Variants in SPMIP6 observed in about 807,000 individuals in gnomAD.
SPMIP6 encodes ciliated bronchial epithelial protein 1.
At chr9:34,397,353 T>G in the SPMIP6 span, 1 of 885,928 alleles carries the variant, frequency 1.1e-6, no homozygotes. Flanking sequence ...TTGTGCTGTT[T>G]TACATACCAT....
chr9:34,394,750 T>C, the SPMIP6 span, among the ~76,000 whole-genome samples: 1 of 152,178 alleles, frequency 6.6e-6, no homozygotes, highest in South Asian at 2.1e-4. Context: ...ATCTTTCAGC[T>C]AGTTTAAGGC....
chr9:34,387,997 G>C, the SPMIP6 span, among the ~76,000 whole-genome samples: 2 of 152,230 alleles, frequency 1.3e-5, no homozygotes, highest in African/African-American at 4.8e-5. Flanking sequence ...GGGTTCACTT[G>C]TTTTCAAAAT....
At chr9:34,380,596 C>CA in the SPMIP6 span, 607 of 1,442,080 alleles carry the variant, frequency 4.2e-4, 2 homozygotes, top group Non-Finnish European at 5.0e-4. Context: ...GTTTCTTCCT[C>CA]AAAAACCCTC....
chr9:34,388,179 C>T, the SPMIP6 span, among the ~76,000 whole-genome samples: 13 of 149,804 alleles, frequency 8.7e-5, no homozygotes, highest in East Asian at 2.6e-3. Context: ...TCGCTCTTCT[C>T]ACCCAGGCTG....
the SPMIP6 span, among the ~76,000 whole-genome samples, chr9:34,387,060 C>G: frequency 6.8e-6 from 1 of 147,564 alleles, no homozygotes; most frequent in Admixed American, 6.8e-5. Flanking sequence ...GAGACAAAGT[C>G]TCACTCTGCC....
chr9:34,393,195 G>A, the SPMIP6 span, among the ~76,000 whole-genome samples: 1 of 152,264 alleles, frequency 6.6e-6, no homozygotes, highest in Middle Eastern at 3.4e-3. Context: ...ACCTAACTCT[G>A]TCCTGTTCCA....
chr9:34,382,777 T>C, the SPMIP6 span: 1 of 1,613,860 alleles, frequency 6.2e-7, no homozygotes, highest in Non-Finnish European at 8.5e-7. Flanking sequence ...GGAAGGTAGG[T>C]GGTATACTTG....
At chr9:34,381,723 T>A in the SPMIP6 span, 1 of 1,341,304 alleles carries the variant, frequency 7.5e-7, no homozygotes. The surrounding 1 kb of genome is among the most constrained non-coding windows in gnomAD (Gnocchi z 4.4). Flanking sequence ...ATTTTACCCC[T>A]CTTTGTCTAG....
At chr9:34,384,146 A>G in the SPMIP6 span, among the ~76,000 whole-genome samples, 2 of 152,238 alleles carry the variant, frequency 1.3e-5, no homozygotes, top group African/African-American at 2.4e-5. Flanking sequence ...CGGGGATGGC[A>G]GTTTGCACAT....
the SPMIP6 span, chr9:34,381,632 C>T: frequency 1.4e-6 from 2 of 1,434,596 alleles, no homozygotes; most frequent in African/African-American, 1.4e-5. The surrounding 1 kb of genome is among the most constrained non-coding windows in gnomAD (Gnocchi z 4.4). Context: ...CCAACAGGGG[C>T]GGGGTGGGGT....
the SPMIP6 span, among the ~76,000 whole-genome samples, chr9:34,392,521 G>GT: frequency 1.3e-5 from 2 of 151,196 alleles, no homozygotes; most frequent in African/African-American, 2.4e-5. The surrounding 1 kb of genome is among the most constrained non-coding windows in gnomAD (Gnocchi z 4.6). Flanking sequence ...AGCTTACTCA[G>GT]TTTTTTGTTA....
At chr9:34,395,776 C>T in the SPMIP6 span, among the ~76,000 whole-genome samples, 10 of 152,292 alleles carry the variant, frequency 6.6e-5, 1 homozygote, top group Admixed American at 5.9e-4. Context: ...AGCATTCCTC[C>T]AGCTGCCACA....
chr9:34,379,825 G>A, the SPMIP6 span: 1 of 966,626 alleles, frequency 1.0e-6, no homozygotes, highest in Non-Finnish European at 1.6e-6. This position sits in a 1 kb window ranked among gnomAD's most constrained non-coding sequence, Gnocchi z 4.2. Flanking sequence ...CGCTTCAGGT[G>A]TCCGTCCCAA....
the SPMIP6 span, among the ~76,000 whole-genome samples, chr9:34,388,341 G>A: frequency 3.4e-5 from 5 of 148,208 alleles, no homozygotes; most frequent in Middle Eastern, 3.5e-3. Context: ...TAGTGGAGAC[G>A]GGGTTTCACC....
the SPMIP6 span, among the ~76,000 whole-genome samples, chr9:34,380,528 T>C: frequency 6.6e-6 from 1 of 151,450 alleles, no homozygotes; most frequent in Non-Finnish European, 1.5e-5. Context: ...GGGCCAGGAG[T>C]CCAGGAAAGG....
At chr9:34,379,550 G>A in the SPMIP6 span, 2 of 1,089,044 alleles carry the variant, frequency 1.8e-6, no homozygotes, top group Non-Finnish European at 2.8e-6. This position sits in a 1 kb window ranked among gnomAD's most constrained non-coding sequence, Gnocchi z 4.2. Flanking sequence ...GCACCGCGGA[G>A]CGTTCTCATC....
the SPMIP6 span, among the ~76,000 whole-genome samples, chr9:34,387,991 T>C: frequency 6.6e-6 from 1 of 152,156 alleles, no homozygotes. Flanking sequence ...ATATGGGGGT[T>C]CACTTGTTTT....
the SPMIP6 span, chr9:34,379,815 C>G: frequency 9.1e-7 from 1 of 1,093,086 alleles, no homozygotes; most frequent in Non-Finnish European, 1.4e-6. The surrounding 1 kb of genome is among the most constrained non-coding windows in gnomAD (Gnocchi z 4.2). Flanking sequence ...CCCTGGGCGG[C>G]GCTTCAGGTG....
chr9:34,385,535 CAAAAAAAAAAAA>C, the SPMIP6 span: 23 of 296,978 alleles, frequency 7.7e-5, no homozygotes, highest in Non-Finnish European at 1.0e-4. Context: ...AACTCCGTCT[CAAAAAAAAAAAA>C]AAAAAAAAAA....
Sources: gnomAD v4.1 joint callset for allele counts (sites outside exome capture counted in the v4.1 genomes callset) on GRCh38, gnomAD v4.1.1 for gene constraint, Gnocchi (gnomAD v3.1) non-coding constraint, MANE v1.5 for transcripts, NCBI Gene and HGNC (gene_info 2026-07-23, HGNC 2026-07-21) for gene names.